Variants in TPRG1 observed in about 807,000 individuals in gnomAD.
The protein encoded by TPRG1 is tumor protein p63-regulated gene 1 protein.
Under a neutral mutation model 29.3 loss-of-function variants are expected in TPRG1, and 29 were observed. The observed-to-expected ratio is 0.99, with a 90% confidence interval of 0.74 to 1.35. The LOEUF (loss-of-function observed/expected upper bound fraction) is 1.35, where lower values mean the gene tolerates loss of function less well. Among genes scored for constraint, TPRG1 ranks in the 40% most tolerant of loss-of-function variants. TPRG1 has a pLI of 0.00. For synonymous variants in TPRG1, 130 were observed against 116.8 expected (o/e 1.11, Z -0.73); for missense variants, 327 against 335.0 (o/e 0.98, Z 0.19).
At chr3:189,024,300 C>T (rs893369854) in intron 4 of TPRG1, among the ~76,000 whole-genome samples, 6 of 151,566 alleles carry the variant, frequency 4.0e-5, no homozygotes, top group East Asian at 2.0e-4. Flanking sequence ...CAGGCCAGCT[C>T]TGCTGGGGAA....
upstream of TPRG1, among the ~76,000 whole-genome samples, chr3:189,169,447 G>A (rs566910376): frequency 2.0e-5 from 3 of 152,198 alleles, no homozygotes; most frequent in East Asian, 1.9e-4. Flanking sequence ...TTACAGGCAT[G>A]AGCCACCAGG....
At chr3:189,116,140 T>C (rs1247634216) in intron 1 of TPRG1, among the ~76,000 whole-genome samples, 1 of 152,136 alleles carries the variant, frequency 6.6e-6, no homozygotes, top group Non-Finnish European at 1.5e-5. Context: ...TTTGGATATA[T>C]GTTCCAAAGA....
chr3:189,090,498 ATATAT>A (rs1479337808), intron 4 of TPRG1, among the ~76,000 whole-genome samples: 1 of 152,080 alleles, frequency 6.6e-6, no homozygotes, highest in Non-Finnish European at 1.5e-5. Flanking sequence ...ATTGAGAAAG[ATATAT>A]TAAGATATTT....
chr3:189,148,347 G>A (rs1725515798), intron 4 of TPRG1, among the ~76,000 whole-genome samples: 1 of 152,172 alleles, frequency 6.6e-6, no homozygotes, highest in Non-Finnish European at 1.5e-5. Flanking sequence ...CAGTCTAATG[G>A]AAGAAACGGA....
Position 189,129,699 on chromosome 3 carries a change from G to A in TPRG1, c.-590+2489G>A, listed in dbSNP as rs540317718. Reference sequence around the variant, plus strand: ...AAACTCTCTGTTGGAAAGAGTTGTCGCTTCACTCCTTATTTAAGCTCAGTT... The same window carrying A: ...AAACTCTCTGTTGGAAAGAGTTGTCACTTCACTCCTTATTTAAGCTCAGTT... On this transcript the variant is annotated intron_variant, in intron 2 of 6. Transcript: ENST00000412373. Among the ~76,000 whole-genome samples the A allele has an allele frequency of 3.6e-4, 55 of 152,090 alleles. 1 individual carries two copies. The Middle Eastern group carries it at 0.01, about 28-fold the overall frequency.
At chr3:189,205,370 G>A (rs1734166144) in intron 1 of TPRG1, among the ~76,000 whole-genome samples, 1 of 152,178 alleles carries the variant, frequency 6.6e-6, no homozygotes, top group African/African-American at 2.4e-5. Flanking sequence ...TATATATAGA[G>A]CCACATTTGC....
rs369406877 is a variant in TPRG1, at chr3:189,278,550, T to A, written c.480-31836T>A. On this transcript the variant is annotated intron_variant, in intron 4 of 5. Transcript: ENST00000345063. ...CTCTGTAGTCCATATGCTTGTTAAATAAGGTTAAATGTGGCATCATGGAGG... is the reference window on the plus strand; with the variant it reads ...CTCTGTAGTCCATATGCTTGTTAAAAAAGGTTAAATGTGGCATCATGGAGG... Among the ~76,000 whole-genome samples, 9 of 152,308 alleles carry A rather than the reference T, an allele frequency of 5.9e-5. No homozygotes were observed. In the East Asian group the frequency reaches 7.7e-4, roughly 13 times the overall value.
At chr3:189,317,040 G>A (rs1419928889) in intron 5 of TPRG1, among the ~76,000 whole-genome samples, 3 of 152,114 alleles carry the variant, frequency 2.0e-5, no homozygotes, top group Admixed American at 2.0e-4. Context: ...CCAATGAAAT[G>A]CCAAATTCAT....
chr3:189,088,431 A>G (rs968993794), intron 4 of TPRG1, among the ~76,000 whole-genome samples: 10 of 152,200 alleles, frequency 6.6e-5, no homozygotes, highest in Non-Finnish European at 1.3e-4. Context: ...TAAATACACA[A>G]TCATGTCATC....
At chr3:189,289,447 T>G (rs1413706624) in intron 4 of TPRG1, among the ~76,000 whole-genome samples, 1 of 151,900 alleles carries the variant, frequency 6.6e-6, no homozygotes, top group Non-Finnish European at 1.5e-5. Context: ...GATGTTTTCC[T>G]GACTGTGATT....
chr3:189,288,781 G>T (rs775002783), intron 4 of TPRG1, among the ~76,000 whole-genome samples: 7 of 152,220 alleles, frequency 4.6e-5, no homozygotes, highest in Non-Finnish European at 8.8e-5. Context: ...GCAGCTTGCT[G>T]CAAGGAAGAA....
chr3:189,178,606 C>T (rs965960187), intron 1 of TPRG1, among the ~76,000 whole-genome samples: 14 of 152,154 alleles, frequency 9.2e-5, no homozygotes, highest in African/African-American at 3.1e-4. Context: ...TTCTACAACC[C>T]TGTAAAGTAG....
At chr3:189,224,677 G>A (rs890715255) in intron 3 of TPRG1, among the ~76,000 whole-genome samples, 5 of 152,164 alleles carry the variant, frequency 3.3e-5, no homozygotes, top group Admixed American at 2.6e-4. Context: ...GGTAGCCTAA[G>A]GAGTTTGGAT....
chr3:189,071,249 G>A (rs930016547), intron 4 of TPRG1, among the ~76,000 whole-genome samples: 6 of 152,104 alleles, frequency 3.9e-5, no homozygotes, highest in Non-Finnish European at 4.4e-5. Flanking sequence ...CCTTTTCCAT[G>A]TGGGAACTTA....
At chr3:189,267,331 C>A (rs1714278792) in intron 4 of TPRG1, among the ~76,000 whole-genome samples, 1 of 152,140 alleles carries the variant, frequency 6.6e-6, no homozygotes, top group Non-Finnish European at 1.5e-5. Flanking sequence ...AGATGTATTT[C>A]TTTTGTTAAG....
chr3:189,084,126 G>C (rs978080098), intron 4 of TPRG1, among the ~76,000 whole-genome samples: 6 of 151,822 alleles, frequency 4.0e-5, no homozygotes, highest in African/African-American at 1.5e-4. Context: ...ACTCCAGCCT[G>C]GGTGACAGAG....
intron 3 of TPRG1, among the ~76,000 whole-genome samples, chr3:189,013,160 T>C (rs1712693669): frequency 6.6e-6 from 1 of 152,188 alleles, no homozygotes; most frequent in African/African-American, 2.4e-5. Context: ...CATTTGGTGA[T>C]ATAAATTTCC....
intron 3 of TPRG1, among the ~76,000 whole-genome samples, chr3:189,014,805 C>A (rs2152123377): frequency 6.6e-6 from 1 of 152,266 alleles, no homozygotes; most frequent in Middle Eastern, 3.4e-3. Context: ...GTCATGCTTC[C>A]TGTTAAGCCT....
At chr3:189,065,389 T>C (rs1716372784) in intron 4 of TPRG1, among the ~76,000 whole-genome samples, 1 of 152,160 alleles carries the variant, frequency 6.6e-6, no homozygotes, top group Admixed American at 6.6e-5. Flanking sequence ...CACAGACTTG[T>C]ATCCCTCATG....
Sources: allele counts gnomAD v4.1 joint callset (sites outside exome capture counted in the v4.1 genomes callset), GRCh38; gene constraint gnomAD v4.1.1; transcripts MANE v1.5; gene names NCBI Gene and HGNC (gene_info 2026-07-23, HGNC 2026-07-21).